ADGRV1: variants seen among roughly 807,000 people sequenced by gnomAD.
ADGRV1 encodes adhesion G protein-coupled receptor V1, also known as G-protein coupled receptor 98.
In ADGRV1, 359 loss-of-function variants were observed where a neutral mutation model predicts 596.2. The observed-to-expected ratio is 0.60, with a 90% CI of 0.55 to 0.66. The LOEUF is 0.66. Ranked by LOEUF, ADGRV1 falls within the 30% of genes least tolerant of loss-of-function variation. ADGRV1 has a pLI of 0.00. For missense variants in ADGRV1, 7,274 were observed against 7,575.6 expected (o/e 0.96, Z 1.48); for synonymous variants, 2,681 against 2,679.2 (o/e 1.00, Z -0.02).
At chr5:90,750,907 T>C (rs1393523219) in intron 53 of ADGRV1, among the ~76,000 whole-genome samples, 2 of 152,176 alleles carry the variant, frequency 1.3e-5, no homozygotes, top group Non-Finnish European at 2.9e-5. Context: ...ACCAAAATTG[T>C]CCTTTAAAAA....
intron 71 of ADGRV1, among the ~76,000 whole-genome samples, chr5:90,804,520 C>G (rs1761717041): frequency 6.6e-6 from 1 of 152,018 alleles, no homozygotes; most frequent in Non-Finnish European, 1.5e-5. Context: ...CCTGCGGAAC[C>G]CTCTCATGTT....
At chr5:90,900,743 T>C (rs779583107) in intron 83 of ADGRV1, among the ~76,000 whole-genome samples, 9 of 152,110 alleles carry the variant, frequency 5.9e-5, no homozygotes, top group Non-Finnish European at 1.2e-4. Flanking sequence ...TATAGACATA[T>C]GAGTTTGTGC....
chr5:90,776,968 C>T (rs1758304621), intron 61 of ADGRV1, among the ~76,000 whole-genome samples: 1 of 152,170 alleles, frequency 6.6e-6, no homozygotes, highest in Non-Finnish European at 1.5e-5. Flanking sequence ...CAGGGCCAAA[C>T]ATTTTGCTTT....
chr5:90,829,237 T>A, intron 77 of ADGRV1, 51 bp downstream of exon 77: 1 of 1,329,452 alleles, frequency 7.5e-7, no homozygotes, highest in Non-Finnish European at 9.9e-7. Context: ...CTTCTTTAAC[T>A]ACAGCAAGAG....
intron 33 of ADGRV1, 40 bp from the exon 34 acceptor site, chr5:90,696,897 T>C (rs774382580): frequency 6.7e-7 from 1 of 1,494,878 alleles, no homozygotes; most frequent in Admixed American, 1.8e-5. Context: ...GTGTTGGTGA[T>C]TTTGTTACTT....
chr5:91,089,713 TG>T (rs1790217098), intron 86 of ADGRV1, among the ~76,000 whole-genome samples: 1 of 152,222 alleles, frequency 6.6e-6, no homozygotes, highest in Admixed American at 6.5e-5. Flanking sequence ...GAGTGCTAAC[TG>T]ATGTCTTATC....
At chr5:90,979,742 G>A (rs1779936046) in intron 84 of ADGRV1, among the ~76,000 whole-genome samples, 1 of 152,100 alleles carries the variant, frequency 6.6e-6, no homozygotes, top group South Asian at 2.1e-4. Flanking sequence ...ACAGTGTTAG[G>A]AAATTATGAA....
chr5:90,574,130 A>G (rs759505061), intron 1 of ADGRV1, among the ~76,000 whole-genome samples: 5 of 149,982 alleles, frequency 3.3e-5, no homozygotes, highest in Non-Finnish European at 7.4e-5. Context: ...TGCTTTGTCT[A>G]TTGAGGCTCT....
chr5:91,083,434 T>C (rs950614176), intron 86 of ADGRV1, among the ~76,000 whole-genome samples: 1 of 152,174 alleles, frequency 6.6e-6, no homozygotes, highest in Non-Finnish European at 1.5e-5. Flanking sequence ...ATACCCATGA[T>C]CTAATGCTGT....
At chr5:90,684,700 A>G (rs554863339) in intron 28 of ADGRV1, among the ~76,000 whole-genome samples, 1 of 152,210 alleles carries the variant, frequency 6.6e-6, no homozygotes, top group East Asian at 1.9e-4. Flanking sequence ...GACTAACCCC[A>G]TTTACAAGCG....
chr5:90,591,115 A>G (rs1470674766), intron 1 of ADGRV1, among the ~76,000 whole-genome samples: 2 of 152,162 alleles, frequency 1.3e-5, no homozygotes, highest in Non-Finnish European at 2.9e-5. Context: ...AATGAGGCTG[A>G]GCATGATGGC....
intron 20 of ADGRV1, among the ~76,000 whole-genome samples, chr5:90,656,882 T>C (rs1447614236): frequency 2.0e-5 from 3 of 152,158 alleles, no homozygotes; most frequent in African/African-American, 7.2e-5. Flanking sequence ...TATTGAGATA[T>C]AGTGACACAG....
intron 75 of ADGRV1, among the ~76,000 whole-genome samples, chr5:90,821,655 G>A (rs1327860080): frequency 5.3e-5 from 8 of 151,630 alleles, no homozygotes; most frequent in African/African-American, 1.9e-4. Context: ...TCAGCTGCAG[G>A]TCTGTTGGAA....
At chr5:90,889,766 C>T (rs1770635741) in intron 83 of ADGRV1, among the ~76,000 whole-genome samples, 1 of 151,880 alleles carries the variant, frequency 6.6e-6, no homozygotes, top group African/African-American at 2.4e-5. Context: ...TGTTGTGATA[C>T]CATTTGTTAA....
intron 71 of ADGRV1, among the ~76,000 whole-genome samples, chr5:90,804,421 A>G (rs1761707802): frequency 6.6e-6 from 1 of 152,042 alleles, no homozygotes; most frequent in East Asian, 1.9e-4. Flanking sequence ...AAAAGAAGAA[A>G]AAGAGAAGCC....
intron 85 of ADGRV1, among the ~76,000 whole-genome samples, chr5:91,063,526 G>T (rs1038099909): frequency 6.6e-6 from 1 of 152,008 alleles, no homozygotes; most frequent in African/African-American, 2.4e-5. Flanking sequence ...GCATTCCTAC[G>T]CATGATGTTA....
chr5:90,784,667 G>C (rs1759227349), intron 67 of ADGRV1, among the ~76,000 whole-genome samples: 1 of 152,074 alleles, frequency 6.6e-6, no homozygotes. Context: ...CTGGAGTTAA[G>C]GGGATAACAG....
At chr5:90,758,839 A>G (rs905717967) in intron 57 of ADGRV1, among the ~76,000 whole-genome samples, 2 of 152,234 alleles carry the variant, frequency 1.3e-5, no homozygotes, top group African/African-American at 4.8e-5. Flanking sequence ...CTAAATCCTG[A>G]TTATAAACAT....
Position 90,853,381 on chromosome 5 carries a change from G to A in ADGRV1, c.17302G>A (p.Gly5768Arg). The part of the protein sequence containing the change: ...INGHKFEGKE[G>R]DYIRIPERLL... ...TGGACACAAGTTTGAAGGAAAGGAAGGAGATTACATTCGAATTCCAGAGAG... is the reference window on the plus strand; with the variant it reads ...TGGACACAAGTTTGAAGGAAAGGAAAGAGATTACATTCGAATTCCAGAGAG... Residue 5768 changes from glycine (G) to arginine (R), a missense_variant, in exon 80 of 90, where the codon GGA (glycine) becomes AGA (arginine). Physicochemically the swap from Gly to Arg is moderately radical, Grantham distance 125. This residue lies in a region of ADGRV1 where 1,874 missense variants were observed against 1,970.2 expected (regional missense o/e 0.95). Coordinates refer to ENST00000405460, the MANE Select transcript of ADGRV1 (RefSeq NM_032119.4). 1 of 1,613,514 alleles carries A rather than the reference G, an allele frequency of 6.2e-7. No homozygotes were observed. Among genetic ancestry groups the A allele is most frequent in the African/African-American group, 1.3e-5 (1 of 75,020 alleles).
Sources: gnomAD v4.1 joint callset for allele counts (sites outside exome capture counted in the v4.1 genomes callset) on GRCh38, gnomAD v4.1.1 for gene constraint, gnomAD v4.1.1 regional missense constraint, MANE v1.5 for transcripts, NCBI Gene and HGNC (gene_info 2026-07-23, HGNC 2026-07-21) for gene names.